The following PPP2R5A variants were observed in gnomAD, a reference collection of about 807,000 sequenced individuals.
PPP2R5A encodes the protein serine/threonine-protein phosphatase 2A 56 kDa regulatory subunit alpha isoform.
A neutral mutation model predicts 64.2 loss-of-function variants in PPP2R5A; 25 were observed. The ratio of observed to expected loss-of-function variants is 0.39; its 90% confidence interval spans 0.28 to 0.54. The LOEUF is 0.54. PPP2R5A is among the 20% of genes least tolerant of loss of function. The probability of loss-of-function intolerance (pLI) is 0.67; values close to 1 mark genes in which losing one functional copy is unlikely to be tolerated. For synonymous variants in PPP2R5A, 198 were observed against 201.2 expected (o/e 0.98, Z 0.13); for missense variants, 425 against 576.3 (o/e 0.74, Z 2.69).
intron 1 of PPP2R5A, among the ~76,000 whole-genome samples, chr1:212,326,052 G>A (rs2102430801): frequency 6.6e-6 from 1 of 152,238 alleles, no homozygotes; most frequent in Non-Finnish European, 1.5e-5. Flanking sequence ...AGAAGAAGCA[G>A]ATTCTGCTTA....
chr1:212,294,787 AG>A (rs1419463477), intron 1 of PPP2R5A, among the ~76,000 whole-genome samples: 1 of 152,162 alleles, frequency 6.6e-6, no homozygotes, highest in Non-Finnish European at 1.5e-5. Flanking sequence ...ATGTTAAGGG[AG>A]TATGTGAAGG....
intron 1 of PPP2R5A, among the ~76,000 whole-genome samples, chr1:212,296,004 A>G (rs759667658): frequency 3.3e-5 from 5 of 152,206 alleles, no homozygotes; most frequent in African/African-American, 4.8e-5. Context: ...TAGGAGATTA[A>G]TAAGCCAGGT....
chr1:212,351,384 C>T (rs1659876567), intron 8 of PPP2R5A, among the ~76,000 whole-genome samples: 1 of 152,120 alleles, frequency 6.6e-6, no homozygotes, highest in African/African-American at 2.4e-5. Flanking sequence ...TTCTGGAAAG[C>T]AGGCATTCCT....
At chr1:212,358,845 T>C in intron 12 of PPP2R5A, 58 bp downstream of exon 12, 2 of 1,392,660 alleles carry the variant, frequency 1.4e-6, no homozygotes, top group Non-Finnish European at 2.0e-6. Context: ...TTGAATGTGA[T>C]TCAGTTCAGG....
chr1:212,345,584 A>G (rs1659763165), intron 4 of PPP2R5A, among the ~76,000 whole-genome samples: 1 of 152,154 alleles, frequency 6.6e-6, no homozygotes, highest in Non-Finnish European at 1.5e-5. Context: ...AAATATTTAT[A>G]TTTATTGTAA....
chr1:212,338,179 T>G (rs999360407), intron 3 of PPP2R5A, among the ~76,000 whole-genome samples: 1 of 152,236 alleles, frequency 6.6e-6, no homozygotes, highest in African/African-American at 2.4e-5. Context: ...GTCTTTTTAA[T>G]GGTGAAGACC....
intron 8 of PPP2R5A, among the ~76,000 whole-genome samples, chr1:212,350,684 A>ATATTTGTAAATTTGTAAATT (rs1659859884): frequency 6.6e-6 from 1 of 152,088 alleles, no homozygotes; most frequent in African/African-American, 2.4e-5. Context: ...TAAAACCTTA[A>ATATTTGTAAATTTGTAAATT]TACAAATCTA....
intron 1 of PPP2R5A, among the ~76,000 whole-genome samples, chr1:212,320,819 C>A (rs1322465146): frequency 7.3e-6 from 1 of 137,294 alleles, no homozygotes; most frequent in Non-Finnish European, 1.6e-5. Flanking sequence ...GGGCTGACCC[C>A]CCCACCTCCC....
At chr1:212,340,145 A>T (rs559696327) in intron 3 of PPP2R5A, among the ~76,000 whole-genome samples, 1 of 152,020 alleles carries the variant, frequency 6.6e-6, no homozygotes, top group East Asian at 1.9e-4. Flanking sequence ...AAATAAATAT[A>T]TATATTTTTA....
chr1:212,292,252 G>A (rs1442933510), intron 1 of PPP2R5A, among the ~76,000 whole-genome samples: 2 of 152,086 alleles, frequency 1.3e-5, no homozygotes, highest in Non-Finnish European at 2.9e-5. Context: ...GTCTTTTCTG[G>A]TAACTGGTTT....
intron 1 of PPP2R5A, among the ~76,000 whole-genome samples, chr1:212,307,260 GTTT>G (rs1057069165): frequency 1.4e-5 from 2 of 141,118 alleles, no homozygotes; most frequent in Non-Finnish European, 1.6e-5. Context: ...ATTTTTGAGA[GTTT>G]TTTTTTTTTA....
At chr1:212,333,708 G>T in intron 3 of PPP2R5A, 110 bp downstream of exon 3, 6 of 563,660 alleles carry the variant, frequency 1.1e-5, no homozygotes, top group Non-Finnish European at 1.2e-5. Flanking sequence ...TGACTTTTAT[G>T]GTTTTATTAA....
At chr1:212,287,464 A>G (rs1428155010) in intron 1 of PPP2R5A, among the ~76,000 whole-genome samples, 1 of 152,328 alleles carries the variant, frequency 6.6e-6, no homozygotes, top group Middle Eastern at 3.4e-3. Flanking sequence ...AGAAAACCCC[A>G]GATCAAATCA....
chr1:212,319,886 G>C (rs1165766848), intron 1 of PPP2R5A, among the ~76,000 whole-genome samples: 1 of 150,366 alleles, frequency 6.7e-6, no homozygotes, highest in Non-Finnish European at 1.5e-5. Context: ...GCCTTCCAAA[G>C]TGCTGGGATT....
chr1:212,359,395 G>A (rs1660041858), intron 12 of PPP2R5A, among the ~76,000 whole-genome samples: 1 of 152,140 alleles, frequency 6.6e-6, no homozygotes, highest in Admixed American at 6.5e-5. Flanking sequence ...TGTTGTCCTT[G>A]CAATAATATG....
chr1:212,356,586 T>C, intron 8 of PPP2R5A, 40 bp from the exon 9 acceptor site: 1 of 1,589,452 alleles, frequency 6.3e-7, no homozygotes, highest in Non-Finnish European at 8.6e-7. Context: ...ATTAACTAGC[T>C]TTGTTATTAA....
rs1319631501 is a variant in PPP2R5A at position 212,322,081 on chromosome 1, G to T, written c.182-7054G>T. Among the ~76,000 whole-genome samples, 5 of 151,358 alleles carry T rather than the reference G, an allele frequency of 3.3e-5. No homozygotes were observed. In the South Asian group the frequency reaches 1.0e-3, roughly 32 times the overall value. On this transcript the variant is annotated intron_variant, in intron 1 of 12. Transcript: ENST00000261461. ...CGCGCGCCTGCAATCGCAGGCACTC[G>T]GCAGGCTGAGGCAGGAGAATCAGGC... is the stretch of plus-strand genomic sequence containing the variant.
At chr1:212,305,341 A>C (rs1191822880) in intron 1 of PPP2R5A, among the ~76,000 whole-genome samples, 1 of 151,944 alleles carries the variant, frequency 6.6e-6, no homozygotes, top group Non-Finnish European at 1.5e-5. Context: ...CAATTTTTTA[A>C]TGTTACTGAT....
At chr1:212,357,487 TAATGTC>T (rs1232987063) in intron 11 of PPP2R5A, 1 of 442,094 alleles carries the variant, frequency 2.3e-6, no homozygotes, top group African/African-American at 2.0e-5. Flanking sequence ...TATGTGGTCT[TAATGTC>T]AATTTATTTT....
Sources: allele counts gnomAD v4.1 joint callset (sites outside exome capture counted in the v4.1 genomes callset), GRCh38; gene constraint gnomAD v4.1.1; transcripts MANE v1.5; gene names NCBI Gene and HGNC (gene_info 2026-07-23, HGNC 2026-07-21).